The following LHFPL3 variants were observed in gnomAD, a reference collection of about 807,000 sequenced individuals.
LHFPL3 encodes LHFPL tetraspan subfamily member 3 protein.
A neutral mutation model predicts 19.3 loss-of-function variants in LHFPL3; 5 were observed. The observed-to-expected ratio is 0.26, with a 90% confidence interval of 0.14 to 0.54. The LOEUF is 0.54. LHFPL3 is among the 20% of genes least tolerant of loss of function. The pLI, the probability that LHFPL3 is intolerant of heterozygous loss-of-function variation, is 0.94. For missense variants in LHFPL3, 249 were observed against 307.4 expected, an observed-to-expected ratio of 0.81 and a Z score of 1.42; for synonymous variants, 133 against 126.2, an observed-to-expected ratio of 1.05 and a Z score of -0.36.
intron 2 of LHFPL3, among the ~76,000 whole-genome samples, chr7:104,743,854 G>T (rs796581777): frequency 7.3e-5 from 11 of 151,448 alleles, no homozygotes; most frequent in African/African-American, 2.4e-4. Flanking sequence ...TTTTTTTTGA[G>T]ACAGGGTCTC....
intron 1 of LHFPL3, among the ~76,000 whole-genome samples, chr7:104,654,216 T>A (rs1308928378): frequency 4.6e-5 from 7 of 152,212 alleles, no homozygotes; most frequent in Admixed American, 1.3e-4. Context: ...GTCCATGACG[T>A]CATGCTGGTA....
At chr7:104,730,403 C>A (rs1296397457) in intron 1 of LHFPL3, among the ~76,000 whole-genome samples, 1 of 152,124 alleles carries the variant, frequency 6.6e-6, no homozygotes, top group East Asian at 1.9e-4. Flanking sequence ...CTCTCCAGCA[C>A]CTGTTGTTTC....
intron 1 of LHFPL3, among the ~76,000 whole-genome samples, chr7:104,573,409 C>CA (rs11310724): frequency 0.077 from 8,629 of 112,460 alleles, 381 homozygotes; most frequent in East Asian, 0.2. Flanking sequence ...AAGACCATCT[C>CA]AAAAAAAAAA....
intron 1 of LHFPL3, among the ~76,000 whole-genome samples, chr7:104,726,588 T>C (rs1010252768): frequency 1.3e-5 from 2 of 152,136 alleles, no homozygotes; most frequent in Non-Finnish European, 2.9e-5. Context: ...CAGTGTCTGG[T>C]TTTCTGTTCC....
At chr7:104,521,345 G>C (rs967332168) in intron 1 of LHFPL3, among the ~76,000 whole-genome samples, 10 of 152,112 alleles carry the variant, frequency 6.6e-5, no homozygotes, top group African/African-American at 2.4e-4. Flanking sequence ...TTTTACATTT[G>C]CTGAGGAGTG....
chr7:104,565,968 C>A (rs1790116426), intron 1 of LHFPL3, among the ~76,000 whole-genome samples: 1 of 151,980 alleles, frequency 6.6e-6, no homozygotes. Context: ...AGCCATTCAC[C>A]AGAGGGAAAA....
intron 1 of LHFPL3, among the ~76,000 whole-genome samples, chr7:104,413,710 G>A (rs185518457): frequency 2.0e-4 from 30 of 152,204 alleles, no homozygotes; most frequent in African/African-American, 7.0e-4. Flanking sequence ...AGCCTTTCTA[G>A]GCTGGTCCGA....
intron 1 of LHFPL3, among the ~76,000 whole-genome samples, chr7:104,561,015 G>A (rs1210030663): frequency 6.6e-6 from 1 of 151,208 alleles, no homozygotes; most frequent in African/African-American, 2.5e-5. Flanking sequence ...TTAACCCTGA[G>A]TTCTAGTTTG....
At chr7:104,749,645 A>C (rs1794123589) in intron 2 of LHFPL3, among the ~76,000 whole-genome samples, 2 of 152,290 alleles carry the variant, frequency 1.3e-5, no homozygotes, top group African/African-American at 4.8e-5. Flanking sequence ...TACGGCCCTT[A>C]AGTCAGTTAA....
At chr7:104,494,732 T>C (rs1793424943) in intron 1 of LHFPL3, among the ~76,000 whole-genome samples, 1 of 152,082 alleles carries the variant, frequency 6.6e-6, no homozygotes, top group South Asian at 2.1e-4. Context: ...CATGGACCCA[T>C]ACAAGAATTC....
intron 2 of LHFPL3, among the ~76,000 whole-genome samples, chr7:104,800,811 C>T (rs923373532): frequency 1.3e-5 from 2 of 152,084 alleles, no homozygotes; most frequent in African/African-American, 4.8e-5. Context: ...CTACACACAC[C>T]CTCAACTCCA....
chr7:104,645,473 C>T lies in LHFPL3; in HGVS notation c.446-91202C>T, dbSNP rs538309441. 4.6e-5 allele frequency among the ~76,000 whole-genome samples: 7 copies of T among 152,002 alleles called. No individual in the cohort carries two copies. The East Asian group carries it at 1.4e-3, about 29-fold the overall frequency. On this transcript the variant is annotated intron_variant, in intron 1 of 2. Coordinates refer to ENST00000424859, the MANE Select transcript of LHFPL3 (RefSeq NM_199000.3). ...GAAAATAATTTTTTAAAAAATTCCTCGATGAGTACTATGTTCCCTAAGATG... is the reference window on the plus strand; with the variant it reads ...GAAAATAATTTTTTAAAAAATTCCTTGATGAGTACTATGTTCCCTAAGATG...
At chr7:104,627,427 T>G (rs528547048) in intron 1 of LHFPL3, among the ~76,000 whole-genome samples, 1 of 152,330 alleles carries the variant, frequency 6.6e-6, no homozygotes, top group South Asian at 2.1e-4. Flanking sequence ...TACCTGTTGT[T>G]CTTTGAAACA....
At chr7:104,348,122 C>T (rs373406181) in intron 1 of LHFPL3, among the ~76,000 whole-genome samples, 27 of 152,316 alleles carry the variant, frequency 1.8e-4, no homozygotes, top group African/African-American at 6.0e-4. Flanking sequence ...CGCAGTGGCT[C>T]ACGCCTGTAA....
intron 1 of LHFPL3, among the ~76,000 whole-genome samples, chr7:104,506,056 C>A (rs1031381709): frequency 8.6e-5 from 13 of 150,746 alleles, no homozygotes; most frequent in Admixed American, 4.6e-4. Flanking sequence ...CTCACTCTGT[C>A]GCCAGGCTGG....
intron 1 of LHFPL3, among the ~76,000 whole-genome samples, chr7:104,458,610 G>A (rs1348409480): frequency 6.6e-6 from 1 of 151,482 alleles, no homozygotes; most frequent in East Asian, 1.9e-4. Flanking sequence ...CTCTTTTTTG[G>A]TTCCATATGA....
intron 1 of LHFPL3, among the ~76,000 whole-genome samples, chr7:104,529,954 T>C (rs1794264323): frequency 6.6e-6 from 1 of 152,162 alleles, no homozygotes; most frequent in South Asian, 2.1e-4. Context: ...GATATGCAGG[T>C]ACCAAGGCTC....
chr7:104,447,633 C>T (rs534496349), intron 1 of LHFPL3, among the ~76,000 whole-genome samples: 16 of 152,166 alleles, frequency 1.1e-4, no homozygotes, highest in East Asian at 3.9e-4. Flanking sequence ...TTAGCACCAA[C>T]GACTGCCATT....
chr7:104,822,829 A>G (rs564697535), intron 2 of LHFPL3, among the ~76,000 whole-genome samples: 2 of 152,220 alleles, frequency 1.3e-5, no homozygotes, highest in African/African-American at 4.8e-5. Context: ...GGTAGAATTT[A>G]AAGACAGTGT....
Sources: gnomAD v4.1 joint callset for allele counts (sites outside exome capture counted in the v4.1 genomes callset) on GRCh38, gnomAD v4.1.1 for gene constraint, MANE v1.5 for transcripts, NCBI Gene and HGNC (gene_info 2026-07-23, HGNC 2026-07-21) for gene names.